The following GALNT10 variants were observed in gnomAD, a reference collection of about 807,000 sequenced individuals.
GALNT10 encodes polypeptide N-acetylgalactosaminyltransferase 10, also known as GalNAc transferase 10.
In GALNT10, 41 loss-of-function variants were observed where a neutral mutation model predicts 75.0. The ratio of observed to expected loss-of-function variants is 0.55; its 90% CI spans 0.43 to 0.71. The LOEUF (loss-of-function observed/expected upper bound fraction) is 0.71, where lower values mean the gene tolerates loss of function less well. GALNT10 is among the 30% of genes least tolerant of loss of function. GALNT10 has a pLI of 0.00. For missense variants in GALNT10, 727 were observed against 818.5 expected, an observed-to-expected ratio of 0.89 and a Z score of 1.36; for synonymous variants, 302 against 313.0, an observed-to-expected ratio of 0.96 and a Z score of 0.37.
intron 1 of GALNT10, among the ~76,000 whole-genome samples, chr5:154,196,899 T>C (rs1774954311): frequency 6.6e-6 from 1 of 152,134 alleles, no homozygotes; most frequent in Admixed American, 6.5e-5. Flanking sequence ...AGGAGAAAGA[T>C]ATCTAGAGAA....
rs1756537275 is a variant in GALNT10 at position 154,417,441 on chromosome 5, A to G, written c.*469A>G. On this transcript the variant is annotated 3_prime_UTR_variant, in exon 12 of 12. Transcript: ENST00000297107. ...ATCGATGCCACTCATCTGCAGCAGA[A>G]GAGAAAGAAGTCCTCTTGGGGCTTT... is the stretch of plus-strand genomic sequence containing the variant. 6.4e-6 allele frequency: 1 copy of G among 157,096 alleles called. No homozygotes were observed. Among genetic ancestry groups the G allele is most frequent in the Non-Finnish European group, 1.4e-5 (1 of 70,948 alleles). 9.7% of individuals were successfully genotyped at this position (157,096 alleles called of 1,614,324 possible).
intron 1 of GALNT10, among the ~76,000 whole-genome samples, chr5:154,192,708 G>A (rs1394579562): frequency 6.6e-6 from 1 of 152,196 alleles, no homozygotes; most frequent in Non-Finnish European, 1.5e-5. Context: ...ATCCCTAGCT[G>A]TGGAGGCTCC....
At position 154,416,740 on chromosome 5, in the gene GALNT10, C is replaced by T; in HGVS notation, c.1654-74C>T. On this transcript the variant is annotated intron_variant, in intron 11 of 11. Transcript: ENST00000297107. The surrounding 1 kb of genome is among the most constrained non-coding windows in gnomAD (Gnocchi z 4.5). The stretch of plus-strand genomic sequence containing the variant: ...CAGTCACTTCCTCACTTTCTCATTG[C>T]TGGTATTGTTGCTGTGGTTTGACTG... 10 of 1,039,584 alleles carry T rather than the reference C, an allele frequency of 9.6e-6. No homozygotes were observed. Among genetic ancestry groups the T allele is most frequent in the Non-Finnish European group, 1.5e-5 (10 of 666,864 alleles). 64.4% of individuals were successfully genotyped at this position (1,039,584 alleles called of 1,614,324 possible). A position where few individuals can be genotyped will look rare whatever the true frequency, so the allele number is the denominator to read the frequency against.
At position 154,334,905 on chromosome 5, in the gene GALNT10, C is replaced by T. The variant is rs76866542; in HGVS notation, c.568+5167C>T. ...AGGGTCAATAGTCCTCTTCCCATAACGGGCTTATTAACTCTGACCTGCACT... is the reference window on the plus strand; with the variant it reads ...AGGGTCAATAGTCCTCTTCCCATAATGGGCTTATTAACTCTGACCTGCACT... On this transcript the variant is annotated intron_variant, in intron 4 of 11. Coordinates refer to ENST00000297107, the MANE Select transcript of GALNT10 (RefSeq NM_198321.4). 5.7e-3 allele frequency among the ~76,000 whole-genome samples: 866 copies of T among 152,338 alleles called. 16 individuals are homozygous for T. The East Asian group carries it at 0.067, about 12-fold the overall frequency.
chr5:154,361,863 G>A (rs1755393866), intron 4 of GALNT10, among the ~76,000 whole-genome samples: 1 of 152,202 alleles, frequency 6.6e-6, no homozygotes, highest in African/African-American at 2.4e-5. Flanking sequence ...GGTAACCAGT[G>A]GTGGAAGGTC....
chr5:154,221,316 C>T (rs2113655610), intron 1 of GALNT10, among the ~76,000 whole-genome samples: 1 of 152,310 alleles, frequency 6.6e-6, no homozygotes, highest in East Asian at 1.9e-4. Flanking sequence ...GAAGGGAGCA[C>T]TGGGAAGGCC....
chr5:154,382,341 C>T (rs545098576), intron 6 of GALNT10, among the ~76,000 whole-genome samples: 1 of 152,362 alleles, frequency 6.6e-6, no homozygotes, highest in Non-Finnish European at 1.5e-5. Context: ...CTCTTGGCCT[C>T]TTGAACACAG....
chr5:154,246,258 G>A (rs540190862), intron 1 of GALNT10, among the ~76,000 whole-genome samples: 3 of 152,222 alleles, frequency 2.0e-5, no homozygotes, highest in South Asian at 4.1e-4. Context: ...GAATAGTGCT[G>A]CAATAAACAT....
At chr5:154,282,373 C>T (rs962327032) in intron 1 of GALNT10, among the ~76,000 whole-genome samples, 2 of 152,208 alleles carry the variant, frequency 1.3e-5, no homozygotes, top group African/African-American at 4.8e-5. Context: ...CATGCAGCTC[C>T]TCCACTCGCC....
chr5:154,215,130 G>A (rs140705414), intron 1 of GALNT10, among the ~76,000 whole-genome samples: 38 of 152,336 alleles, frequency 2.5e-4, no homozygotes, highest in African/African-American at 9.1e-4. Context: ...GGGAACGTTA[G>A]GAATCATTCA....
rs5872377 is a variant in GALNT10, at chr5:154,394,318, T to TA, written c.1056+7907dup. 3.1e-3 allele frequency among the ~76,000 whole-genome samples: 387 copies of TA among 124,846 alleles called. 1 individual carries two copies. Among genetic ancestry groups the TA allele is most frequent in the South Asian group, 0.019 (69 of 3,696 alleles). 81.9% of individuals were successfully genotyped at this position (124,846 alleles called of 152,430 possible). A position where few individuals can be genotyped will look rare whatever the true frequency, so the allele number is the denominator to read the frequency against. ...CAGTCCCAGGCTACGTGAACAGACT[T>TA]AAAAAAAAAAAAAAAAAAACTCTGA... On this transcript the variant is annotated intron_variant, in intron 7 of 11. Transcript: ENST00000297107.
At chr5:154,365,405 G>T (rs1445120542) in intron 4 of GALNT10, among the ~76,000 whole-genome samples, 1 of 152,124 alleles carries the variant, frequency 6.6e-6, no homozygotes, top group Non-Finnish European at 1.5e-5. Context: ...CAGAAAAAAG[G>T]CCAGAGAAAT....
intron 4 of GALNT10, chr5:154,337,503 C>T (rs1754962889): frequency 1.4e-6 from 1 of 732,272 alleles, no homozygotes; most frequent in South Asian, 1.4e-5. Context: ...ACTGCTGGTA[C>T]TAGAACTGCC....
At chr5:154,332,922 T>C (rs1338513262) in intron 4 of GALNT10, among the ~76,000 whole-genome samples, 7 of 152,196 alleles carry the variant, frequency 4.6e-5, no homozygotes, top group Admixed American at 4.6e-4. Context: ...CCTTCAGACA[T>C]GGAATAAACC....
intron 1 of GALNT10, among the ~76,000 whole-genome samples, chr5:154,263,030 C>G (rs1753723898): frequency 6.6e-6 from 1 of 152,088 alleles, no homozygotes; most frequent in Non-Finnish European, 1.5e-5. Context: ...GAAATTGGAA[C>G]CCTCAGACAT....
chr5:154,384,998 AAAG>A (rs755474808), intron 6 of GALNT10, among the ~76,000 whole-genome samples: 7 of 152,292 alleles, frequency 4.6e-5, no homozygotes, highest in Non-Finnish European at 1.0e-4. Context: ...CTCCCCTTTT[AAAG>A]GAGTCCTGCC....
chr5:154,201,204 C>T (rs1385954483), intron 1 of GALNT10, among the ~76,000 whole-genome samples: 1 of 152,000 alleles, frequency 6.6e-6, no homozygotes, highest in African/African-American at 2.4e-5. Context: ...TGGGAGCCCT[C>T]CTTTATGATA....
At chr5:154,217,178 G>C (rs892439735) in intron 1 of GALNT10, among the ~76,000 whole-genome samples, 1 of 152,076 alleles carries the variant, frequency 6.6e-6, no homozygotes, top group East Asian at 1.9e-4. Flanking sequence ...CCTTTCACTA[G>C]ATCTCTTTTC....
chr5:154,231,308 G>C (rs1753146497), intron 1 of GALNT10, among the ~76,000 whole-genome samples: 1 of 152,136 alleles, frequency 6.6e-6, no homozygotes, highest in Non-Finnish European at 1.5e-5. Context: ...CTTCTTGGTT[G>C]GTTTGAATGT....
Sources: gnomAD v4.1 joint callset for allele counts (sites outside exome capture counted in the v4.1 genomes callset) on GRCh38, gnomAD v4.1.1 for gene constraint, Gnocchi (gnomAD v3.1) non-coding constraint, MANE v1.5 for transcripts, NCBI Gene and HGNC (gene_info 2026-07-23, HGNC 2026-07-21) for gene names.